Variants in WWC1 observed in about 807,000 individuals in gnomAD.
WWC1 encodes WW and C2 domain containing 1.
Under a neutral mutation model 138.4 loss-of-function variants are expected in WWC1, and 55 were observed. That is an observed-to-expected ratio of 0.40 (90% CI 0.32 to 0.50). The LOEUF is 0.50. Ranked by LOEUF, WWC1 falls within the 20% of genes least tolerant of loss-of-function variation. The pLI, the probability that WWC1 is intolerant of heterozygous loss-of-function variation, is 0.72. For missense variants in WWC1, 1,226 were observed against 1,420.4 expected (o/e 0.86, Z 2.20); for synonymous variants, 524 against 564.9 (o/e 0.93, Z 1.03).
chr5:168,370,678 A>C (rs1776682967), intron 1 of WWC1, among the ~76,000 whole-genome samples: 1 of 152,204 alleles, frequency 6.6e-6, no homozygotes. Context: ...TGTTTGTGAT[A>C]GTTTTCTAGC....
chr5:168,399,385 C>A, intron 4 of WWC1, 103 bp from the exon 5 acceptor site: 1 of 1,183,174 alleles, frequency 8.5e-7, no homozygotes, highest in South Asian at 1.4e-5. Context: ...AGTCATTATG[C>A]AGGCGCAGTG....
At chr5:168,313,128 A>C (rs1337898482) in intron 1 of WWC1, among the ~76,000 whole-genome samples, 1 of 139,742 alleles carries the variant, frequency 7.2e-6, no homozygotes, top group African/African-American at 2.6e-5. Flanking sequence ...CTTTCTCAGA[A>C]CTTTGAAAGT....
chr5:168,310,318 T>G (rs1288287635), intron 1 of WWC1, among the ~76,000 whole-genome samples: 1 of 151,890 alleles, frequency 6.6e-6, no homozygotes, highest in East Asian at 1.9e-4. Flanking sequence ...TTTTTTGCGT[T>G]GACCATTTAC....
intron 9 of WWC1, among the ~76,000 whole-genome samples, chr5:168,420,626 A>G (rs571090436): frequency 1.2e-4 from 18 of 151,432 alleles, no homozygotes; most frequent in East Asian, 5.8e-4. Flanking sequence ...CCACATATCC[A>G]TAATAGAGCT....
intron 1 of WWC1, among the ~76,000 whole-genome samples, chr5:168,333,916 A>G (rs1773237837): frequency 6.6e-6 from 1 of 152,072 alleles, no homozygotes; most frequent in Non-Finnish European, 1.5e-5. Context: ...CATGGCTCTT[A>G]AAGTCTACTC....
At chr5:168,321,459 TTCC>T (rs1196820445) in intron 1 of WWC1, among the ~76,000 whole-genome samples, 2 of 152,144 alleles carry the variant, frequency 1.3e-5, no homozygotes, top group Non-Finnish European at 2.9e-5. Context: ...TAAAAGTTAG[TTCC>T]TCAAGAAATC....
At chr5:168,373,719 T>TAAAAAAAA (rs368930085) in intron 2 of WWC1, among the ~76,000 whole-genome samples, 1 of 52,644 alleles carries the variant, frequency 1.9e-5, no homozygotes, top group African/African-American at 8.2e-5. Flanking sequence ...CCTTGTCTCT[T>TAAAAAAAA]AAAAAAAAAA....
At chr5:168,429,286 G>A (rs1172873310) in intron 13 of WWC1, among the ~76,000 whole-genome samples, 1 of 138,476 alleles carries the variant, frequency 7.2e-6, no homozygotes, top group East Asian at 2.2e-4. Context: ...TTGAGACAGG[G>A]TCTCACCTGT....
intron 1 of WWC1, among the ~76,000 whole-genome samples, chr5:168,348,227 T>C (rs1237396291): frequency 1.3e-5 from 2 of 152,188 alleles, no homozygotes; most frequent in East Asian, 1.9e-4. Context: ...AGCTGGTTCC[T>C]GAGCTCAGGG....
intron 2 of WWC1, among the ~76,000 whole-genome samples, chr5:168,375,336 G>C (rs1464538927): frequency 6.6e-6 from 1 of 152,032 alleles, no homozygotes. Flanking sequence ...TGGAAGCCAC[G>C]TGAAGGAAAC....
chr5:168,309,869 C>T (rs922991683), intron 1 of WWC1, among the ~76,000 whole-genome samples: 1 of 152,176 alleles, frequency 6.6e-6, no homozygotes, highest in Non-Finnish European at 1.5e-5. Flanking sequence ...TCTAGGTACC[C>T]ACTGGACATC....
chr5:168,408,028 A>ATTTTT lies in WWC1; in HGVS notation c.721-462_721-458dup, dbSNP rs1181472544. 6.0e-3 allele frequency among the ~76,000 whole-genome samples: 707 copies of ATTTTT among 117,394 alleles called. 13 individuals carry two copies. Among genetic ancestry groups the ATTTTT allele is most frequent in the African/African-American group, 0.02 (623 of 30,930 alleles). 77.0% of individuals were successfully genotyped at this position (117,394 alleles called of 152,430 possible). The stretch of plus-strand genomic sequence containing the variant: ...CAGACATGCACCGCCACATCCAGCT[A>ATTTTT]TTTTTTTTTTTTTTTTTTTTTAGAG... On this transcript the variant is annotated intron_variant, in intron 6 of 22. Coordinates refer to ENST00000265293, the MANE Select transcript of WWC1 (RefSeq NM_015238.3).
intron 1 of WWC1, among the ~76,000 whole-genome samples, chr5:168,307,236 A>G (rs1320569190): frequency 6.6e-6 from 1 of 152,212 alleles, no homozygotes; most frequent in Non-Finnish European, 1.5e-5. Context: ...CGTAGCTAAT[A>G]AGTGGCAGAA....
intron 1 of WWC1, among the ~76,000 whole-genome samples, chr5:168,334,772 A>G (rs1051334208): frequency 6.6e-6 from 1 of 152,222 alleles, no homozygotes; most frequent in Admixed American, 6.5e-5. Context: ...CTAAGCAGCA[A>G]TGCTTCTCCC....
chr5:168,442,624 G>A (rs1189700124), intron 16 of WWC1, among the ~76,000 whole-genome samples: 2 of 151,840 alleles, frequency 1.3e-5, no homozygotes, highest in African/African-American at 4.8e-5. Context: ...ATCTCTTGAG[G>A]TCAGGAGTTT....
intron 1 of WWC1, among the ~76,000 whole-genome samples, chr5:168,367,928 CTG>C (rs1291002968): frequency 1.4e-5 from 2 of 145,666 alleles, no homozygotes; most frequent in Non-Finnish European, 3.0e-5. Flanking sequence ...GCGTTTCAAT[CTG>C]TGTCTTTCCA....
chr5:168,451,635 T>G (rs1221580142), intron 17 of WWC1, among the ~76,000 whole-genome samples: 1 of 151,746 alleles, frequency 6.6e-6, no homozygotes, highest in Non-Finnish European at 1.5e-5. Context: ...AGCCCAAGAG[T>G]TCAAGGCGAC....
chr5:168,404,053 GC>G (rs1444225315), intron 5 of WWC1, among the ~76,000 whole-genome samples: 1 of 152,100 alleles, frequency 6.6e-6, no homozygotes, highest in Non-Finnish European at 1.5e-5. Context: ...AATTCCAGAG[GC>G]CGGGTTGCTA....
intron 17 of WWC1, among the ~76,000 whole-genome samples, chr5:168,449,430 G>C (rs1473139143): frequency 1.3e-5 from 2 of 152,166 alleles, no homozygotes; most frequent in Non-Finnish European, 2.9e-5. Flanking sequence ...GGGAAATGGA[G>C]ATCATCTCTT....
Sources: gnomAD v4.1 joint callset for allele counts (sites outside exome capture counted in the v4.1 genomes callset) on GRCh38, gnomAD v4.1.1 for gene constraint, MANE v1.5 for transcripts, NCBI Gene and HGNC (gene_info 2026-07-23, HGNC 2026-07-21) for gene names.